Variants in PSD3 observed in about 807,000 individuals in gnomAD.
PSD3 encodes pleckstrin and Sec7 domain containing 3.
PSD3 carries 49 observed loss-of-function variants against 105.5 expected under a neutral mutation model. The ratio of observed to expected loss-of-function variants is 0.46; its 90% CI spans 0.37 to 0.59. PSD3 has a LOEUF of 0.59. Among genes scored for constraint, PSD3 ranks in the 20% least tolerant of loss-of-function variants. The probability of loss-of-function intolerance (pLI) is 0.00; values close to 1 mark genes in which losing one functional copy is unlikely to be tolerated. For synonymous variants in PSD3, 557 were observed against 457.8 expected, an observed-to-expected ratio of 1.22 and a Z score of -2.77; for missense variants, 1,561 against 1,263.8, an observed-to-expected ratio of 1.24 and a Z score of -3.57.
At chr8:18,946,617 T>G (rs1468287142) in intron 1 of PSD3, among the ~76,000 whole-genome samples, 1 of 147,718 alleles carries the variant, frequency 6.8e-6, no homozygotes, top group African/African-American at 2.5e-5. Context: ...TAAATAAAAT[T>G]TTCCAGGCAC....
intron 1 of PSD3, among the ~76,000 whole-genome samples, chr8:18,969,006 G>T (rs1824464752): frequency 6.6e-6 from 1 of 151,854 alleles, no homozygotes; most frequent in Non-Finnish European, 1.5e-5. Context: ...TTAGTAGCAT[G>T]TATTGAGTTA....
At chr8:18,807,931 C>T (rs1258576030) in intron 4 of PSD3, among the ~76,000 whole-genome samples, 2 of 152,118 alleles carry the variant, frequency 1.3e-5, no homozygotes, top group African/African-American at 4.8e-5. Context: ...CGGTGAGACC[C>T]TCCTGTCTAT....
intron 10 of PSD3, among the ~76,000 whole-genome samples, chr8:18,640,281 A>C (rs1807549835): frequency 6.6e-6 from 1 of 152,126 alleles, no homozygotes; most frequent in African/African-American, 2.4e-5. Context: ...CCCCTAAGAT[A>C]TGGAGCAGGT....
intron 4 of PSD3, among the ~76,000 whole-genome samples, chr8:18,811,794 T>C (rs953652811): frequency 1.1e-4 from 16 of 151,984 alleles, no homozygotes; most frequent in Non-Finnish European, 8.8e-5. Flanking sequence ...AGAGAGCAAA[T>C]GGGCTTGTGG....
chr8:18,956,696 C>T (rs1464323350), intron 1 of PSD3, among the ~76,000 whole-genome samples: 1 of 152,132 alleles, frequency 6.6e-6, no homozygotes, highest in Non-Finnish European at 1.5e-5. Context: ...GTAAATATAG[C>T]ACACAACCTT....
chr8:18,595,496 G>A lies in PSD3; in HGVS notation c.2481+4868C>T, dbSNP rs954276237. On this transcript the variant is annotated intron_variant, in intron 12 of 15. Coordinates refer to ENST00000327040, the MANE Select transcript of PSD3 (RefSeq NM_015310.4). ...ACGGAGGGAGGGACAGATGCAGAGAGAGAGAGAAAAAAAAACCCAAGTATA... is the reference window on the plus strand; with the variant it reads ...ACGGAGGGAGGGACAGATGCAGAGAAAGAGAGAAAAAAAAACCCAAGTATA... 3.4e-3 allele frequency among the ~76,000 whole-genome samples: 214 copies of A among 63,490 alleles called. 2 individuals carry two copies. The highest frequency in any genetic ancestry group is 8.4e-3 in the African/African-American group (205 of 24,272). 41.7% of individuals were successfully genotyped at this position (63,490 alleles called of 152,430 possible).
intron 1 of PSD3, among the ~76,000 whole-genome samples, chr8:18,954,532 A>ACCATCCATCCATCCAT (rs745421536): frequency 5.3e-5 from 8 of 152,000 alleles, no homozygotes; most frequent in African/African-American, 1.9e-4. Flanking sequence ...GAAGCAATCA[A>ACCATCCATCCATCCAT]CCATCCATCC....
intron 1 of PSD3, among the ~76,000 whole-genome samples, chr8:18,995,583 G>C (rs1484706191): frequency 6.6e-6 from 1 of 151,972 alleles, no homozygotes; most frequent in Admixed American, 6.6e-5. Context: ...GTGCACCAGT[G>C]TATTAGTCTG....
intron 4 of PSD3, among the ~76,000 whole-genome samples, chr8:18,866,541 C>T (rs1816946635): frequency 6.6e-6 from 1 of 152,150 alleles, no homozygotes; most frequent in Non-Finnish European, 1.5e-5. Flanking sequence ...TACTTCAGAC[C>T]AAAGTCTTGT....
intron 14 of PSD3, among the ~76,000 whole-genome samples, chr8:18,565,097 C>T (rs752613410): frequency 1.2e-4 from 19 of 152,184 alleles, no homozygotes; most frequent in Non-Finnish European, 2.2e-4. Flanking sequence ...AGCCACCTGC[C>T]GGCCTGGAGT....
intron 1 of PSD3, among the ~76,000 whole-genome samples, chr8:19,039,256 CTTGAAAATCTTTTTCCATAGT>C (rs1209250725): frequency 1.3e-5 from 2 of 152,056 alleles, no homozygotes; most frequent in African/African-American, 4.8e-5. Flanking sequence ...CCTGTTTGCC[CTTGAAAATCTTTTTCCATAGT>C]TTCAATTACA....
chr8:18,750,820 T>C (rs189785689), intron 9 of PSD3, among the ~76,000 whole-genome samples: 5 of 152,060 alleles, frequency 3.3e-5, no homozygotes, highest in East Asian at 1.9e-4. Flanking sequence ...AGAGTGTCGA[T>C]TGGTGCACTC....
intron 1 of PSD3, among the ~76,000 whole-genome samples, chr8:19,083,196 A>G (rs1292077058): frequency 6.6e-6 from 1 of 152,024 alleles, no homozygotes; most frequent in Admixed American, 6.6e-5. Context: ...CCTCACCTCC[A>G]CCCTCATGCT....
chr8:18,564,703 T>A (rs559472384), intron 14 of PSD3, among the ~76,000 whole-genome samples: 263 of 148,058 alleles, frequency 1.8e-3, no homozygotes, highest in Admixed American at 3.0e-3. Flanking sequence ...AATGGGTGGG[T>A]GGGGGCGCAG....
intron 9 of PSD3, among the ~76,000 whole-genome samples, chr8:18,667,209 C>T (rs369819153): frequency 2.0e-5 from 3 of 152,060 alleles, no homozygotes; most frequent in African/African-American, 7.2e-5. Flanking sequence ...TACAGAGAGC[C>T]GATTACTCTG....
intron 14 of PSD3, among the ~76,000 whole-genome samples, chr8:18,564,542 T>C (rs575952795): frequency 6.6e-6 from 1 of 150,806 alleles, no homozygotes; most frequent in East Asian, 2.0e-4. Flanking sequence ...GGCAGGACAA[T>C]CACTTGAACC....
intron 9 of PSD3, among the ~76,000 whole-genome samples, chr8:18,713,694 G>A (rs954765556): frequency 3.9e-5 from 6 of 152,138 alleles, no homozygotes; most frequent in Admixed American, 2.6e-4. Flanking sequence ...TCATGAAAAC[G>A]GCCATACTGC....
intron 11 of PSD3, among the ~76,000 whole-genome samples, chr8:18,601,688 T>C (rs1005804859): frequency 6.6e-6 from 1 of 151,966 alleles, no homozygotes. Context: ...AAAATACATA[T>C]AACCAAAAAA....
chr8:18,639,306 G>C (rs1807479352), intron 10 of PSD3, among the ~76,000 whole-genome samples: 1 of 151,494 alleles, frequency 6.6e-6, no homozygotes, highest in African/African-American at 2.4e-5. Context: ...GTACATCTTT[G>C]GTTTTCAGAG....
Sources: gnomAD v4.1 joint callset for allele counts (sites outside exome capture counted in the v4.1 genomes callset) on GRCh38, gnomAD v4.1.1 for gene constraint, MANE v1.5 for transcripts, NCBI Gene and HGNC (gene_info 2026-07-23, HGNC 2026-07-21) for gene names.